The following FCRL3 variants were observed in gnomAD, a reference collection of about 807,000 sequenced individuals.
The protein encoded by FCRL3 is Fc receptor-like protein 3.
Under a neutral mutation model 75.0 loss-of-function variants are expected in FCRL3, and 89 were observed. The observed-to-expected ratio is 1.19, with a 90% CI of 1.00 to 1.42. FCRL3 has a LOEUF of 1.42. Among genes scored for constraint, FCRL3 ranks in the 40% most tolerant of loss-of-function variants. The probability of loss-of-function intolerance (pLI) is 0.00; values close to 1 mark genes in which losing one functional copy is unlikely to be tolerated. For missense variants in FCRL3, 946 were observed against 880.0 expected (o/e 1.07, Z -0.95); for synonymous variants, 376 against 348.5 (o/e 1.08, Z -0.88).
At chr1:157,679,728 C>T (rs12144780) in intron 13 of FCRL3, among the ~76,000 whole-genome samples, 2 of 143,550 alleles carry the variant, frequency 1.4e-5, no homozygotes, top group African/African-American at 5.2e-5. Context: ...ACTTAGGAAG[C>T]TAAGGCAGGA....
chr1:157,690,469 C>T lies in FCRL3; in HGVS notation c.1476G>A (p.Leu492=), dbSNP rs776846309. ...APGAQAVVGD[L]LELHCESLRG... ...TCAGGGACTCACAGTGAAGCTCCAG[C>T]AGGTCCCCCACCACAGCCTGGGCCC... The change falls in exon 9 of 15, where the codon CTG becomes CTA. Residue 492 remains leucine (L), a synonymous_variant. Coordinates refer to ENST00000368184, the MANE Select transcript of FCRL3 (RefSeq NM_052939.4). 2.4e-5 allele frequency: 38 copies of T among 1,614,126 alleles called. No homozygotes were observed. The highest frequency in any genetic ancestry group is 3.0e-5 in the Non-Finnish European group (35 of 1,180,046).
intron 6 of FCRL3, 146 bp from the exon 7 acceptor site, chr1:157,696,473 T>C: frequency 5.3e-6 from 4 of 749,020 alleles, no homozygotes; most frequent in East Asian, 2.7e-5. Context: ...TAATTGTGTA[T>C]ACGATTATAA....
rs1173902142 is a variant in FCRL3, at chr1:157,677,318, A to G, written c.*1392T>C. ...AAATGGTGATTGTTTGAATGCATGT[A>G]AGACATTCCCTAGGGACTCCAAGAA... On this transcript the variant is annotated 3_prime_UTR_variant, in exon 15 of 15. Coordinates refer to ENST00000368184, the MANE Select transcript of FCRL3 (RefSeq NM_052939.4). The G allele has an allele frequency of 2.0e-6, 2 of 987,634 alleles. No homozygotes were observed. The highest frequency in any genetic ancestry group is 3.5e-5 in the African/African-American group (2 of 57,272). The allele number at this position is 987,634 out of a possible 1,614,324, so 61.2% of individuals were successfully genotyped here.
intron 10 of FCRL3, among the ~76,000 whole-genome samples, chr1:157,689,071 T>C (rs1655344699): frequency 6.6e-6 from 1 of 152,234 alleles, no homozygotes; most frequent in East Asian, 1.9e-4. Context: ...TGGGGAGAGA[T>C]TGAATACTTT....
chr1:157,680,656 A>G lies in FCRL3; in HGVS notation c.2026+46T>C, dbSNP rs368523233. 51 of 1,557,320 alleles carry G rather than the reference A, an allele frequency of 3.3e-5. No homozygotes were observed. The Middle Eastern group carries it at 6.7e-4, about 21-fold the overall frequency. On this transcript the variant is annotated intron_variant, in intron 13 of 14. Coordinates refer to ENST00000368184, the MANE Select transcript of FCRL3 (RefSeq NM_052939.4). ...GATCAAAGACCCCTTGCCCGTTTCA[A>G]TAAAACACTGCCACCTCACCTCTAT...
chr1:157,676,926 G>A lies in FCRL3; in HGVS notation c.*1784C>T, dbSNP rs1351154072. The A allele has an allele frequency of 1.7e-5, 24 of 1,422,816 alleles. No homozygotes were observed. In the African/African-American group the frequency reaches 2.7e-4, roughly 16 times the overall value. The allele number at this position is 1,422,816 out of a possible 1,614,324, so 88.1% of individuals were successfully genotyped here. ...GCCTGGTGGTTGGTACCCAAAACCGGTTTACATATTTTCACCATAGAGAAA... is the reference window on the plus strand; with the variant it reads ...GCCTGGTGGTTGGTACCCAAAACCGATTTACATATTTTCACCATAGAGAAA... On this transcript the variant is annotated 3_prime_UTR_variant, in exon 15 of 15. Transcript: ENST00000368184.
chr1:157,683,905 T>C (rs2101594364), intron 10 of FCRL3, among the ~76,000 whole-genome samples: 1 of 152,340 alleles, frequency 6.6e-6, no homozygotes, highest in African/African-American at 2.4e-5. Flanking sequence ...CATGTAATAT[T>C]AAAATTACTA....
At position 157,676,537 on chromosome 1, in the gene FCRL3, A is replaced by G; in HGVS notation, c.*2173T>C. ...GCTCCACTAAAATTACTTTTTTTAG[A>G]TTTCTGGGCTATGGGTTTTTAGTTG... On this transcript the variant is annotated 3_prime_UTR_variant, in exon 15 of 15. Coordinates refer to ENST00000368184, the MANE Select transcript of FCRL3 (RefSeq NM_052939.4). 1 of 571,374 alleles carries G rather than the reference A, an allele frequency of 1.8e-6. No homozygotes were observed. The highest frequency in any genetic ancestry group is 2.9e-6 in the Non-Finnish European group (1 of 340,096). The allele number at this position is 571,374 out of a possible 1,614,324, so 35.4% of individuals were successfully genotyped here.
Position 157,677,033 on chromosome 1 carries a change from A to G in FCRL3, c.*1677T>C. The G allele has an allele frequency of 8.0e-7, 1 of 1,242,582 alleles. No individual in the cohort carries two copies. The allele number at this position is 1,242,582 out of a possible 1,614,324, so 77.0% of individuals were successfully genotyped here. On this transcript the variant is annotated 3_prime_UTR_variant, in exon 15 of 15. Transcript: ENST00000368184. ...GGGACCTTAAAATTTTAATGCCAAT[A>G]TGAACATGAACTGGCAGAGATCAGC... is the stretch of plus-strand genomic sequence containing the variant.
Position 157,696,131 on chromosome 1 carries a change from G to A in FCRL3, c.1041C>T (p.Thr347=), listed in dbSNP as rs779972812. 1.2e-5 allele frequency: 19 copies of A among 1,613,860 alleles called. No homozygotes were observed. Among genetic ancestry groups the A allele is most frequent in the Admixed American group, 3.3e-5 (2 of 60,008 alleles). The stretch of plus-strand genomic sequence containing the variant: ...ATCTCCCTGCATCACTCTCCTTCAC[G>A]GTGAGAACATGCAGCTCTGCCAACA... ...RSLLAELHVL[T]VKESDAGRYY... The change falls in exon 7 of 15, where the codon ACC becomes ACT. Residue 347 remains threonine (T), a synonymous_variant. Coordinates refer to ENST00000368184, the MANE Select transcript of FCRL3 (RefSeq NM_052939.4).
rs1466641952 is a variant in FCRL3 at position 157,697,115 on chromosome 1, G to A, written c.844+25C>T. The A allele has an allele frequency of 7.1e-6, 10 of 1,407,272 alleles. No individual in the cohort carries two copies. The Admixed American group carries it at 1.3e-4, about 18-fold the overall frequency. The allele number at this position is 1,407,272 out of a possible 1,614,324, so 87.2% of individuals were successfully genotyped here. Reference sequence around the variant, plus strand: ...CTTCCTCTCCCCAGCTCTGACTCTGGAAGAGCAGCCCCTTAGACACTCACT... The same window carrying A: ...CTTCCTCTCCCCAGCTCTGACTCTGAAAGAGCAGCCCCTTAGACACTCACT... On this transcript the variant is annotated intron_variant, in intron 6 of 14. Transcript: ENST00000368184.
At position 157,696,195 on chromosome 1, in the gene FCRL3, C is replaced by T; in HGVS notation, c.977G>A (p.Gly326Glu). 1.9e-6 allele frequency: 3 copies of T among 1,614,090 alleles called. No individual in the cohort carries two copies. Among genetic ancestry groups the T allele is most frequent in the Non-Finnish European group, 2.5e-6 (3 of 1,180,028 alleles). The stretch of plus-strand genomic sequence containing the variant: ...CTTTCTACCCAGGCTTCTTACTCTT[C>T]CTTCTTTGTGCCAGGAGAATGTGAC... ...GTVTFSWHKE[G>E]RVRSLGRKTQ... is the part of the protein sequence containing the mutation. Residue 326 changes from glycine to glutamate, a missense_variant, in exon 7 of 15, where the codon GGA becomes GAA. Coordinates refer to ENST00000368184, the MANE Select transcript of FCRL3 (RefSeq NM_052939.4).
Position 157,697,439 on chromosome 1 carries a change from C to A in FCRL3, c.560-15G>T, listed in dbSNP as rs1301615041. On this transcript the variant is annotated splice_polypyrimidine_tract_variant and intron_variant, in intron 5 of 14. Coordinates refer to ENST00000368184, the MANE Select transcript of FCRL3 (RefSeq NM_052939.4). ...TAGAAACAGCTCTAATGAAAAGAAA[C>A]AACATAGTCTCCAGGGTGGTGAGGC... 1 of 1,528,498 alleles carries A rather than the reference C, an allele frequency of 6.5e-7. No homozygotes were observed. The highest frequency in any genetic ancestry group is 8.8e-7 in the Non-Finnish European group (1 of 1,142,546). The allele number at this position is 1,528,498 out of a possible 1,614,324, so 94.7% of individuals were successfully genotyped here. A position where few individuals can be genotyped will look rare whatever the true frequency, so the allele number is the denominator to read the frequency against.
intron 10 of FCRL3, 100 bp from the exon 11 acceptor site, chr1:157,683,344 C>A: frequency 7.0e-7 from 1 of 1,421,544 alleles, no homozygotes; most frequent in Non-Finnish European, 9.7e-7. Context: ...CATTCTAGAT[C>A]TAAGCTACGG....
At position 157,696,295 on chromosome 1, in the gene FCRL3, G is replaced by A. The variant is rs146153982; in HGVS notation, c.877C>T (p.Arg293Trp). The change falls in exon 7 of 15, where the codon CGG (arginine) becomes TGG (tryptophan). Residue 293 changes from arginine (R) to tryptophan (W), a missense_variant. Transcript: ENST00000368184. ...TCAATCAGCTGCCCTCCGGTGGGCC[G>A]GATCTCTAGATTCACATTAGACACA... is the stretch of plus-strand genomic sequence containing the variant. ...VPVSNVNLEI[R>W]PTGGQLIEGE... is the part of the protein sequence containing the mutation. The A allele has an allele frequency of 2.0e-4, 321 of 1,613,938 alleles. No individual in the cohort carries two copies. The highest frequency in any genetic ancestry group is 1.5e-3 in the East Asian group (66 of 44,866).
chr1:157,678,272 A>C lies in FCRL3; in HGVS notation c.*438T>G. On this transcript the variant is annotated 3_prime_UTR_variant, in exon 15 of 15. Transcript: ENST00000368184. ...TAGCAAGGATACAGCATATACACCAAAACATCAGCAATGCCACTACCAGCC... is the reference window on the plus strand; with the variant it reads ...TAGCAAGGATACAGCATATACACCACAACATCAGCAATGCCACTACCAGCC... The C allele has an allele frequency of 2.0e-6, 2 of 1,007,364 alleles. No individual in the cohort carries two copies. Among genetic ancestry groups the C allele is most frequent in the Non-Finnish European group, 2.4e-6 (2 of 842,914 alleles). 62.4% of individuals were successfully genotyped at this position (1,007,364 alleles called of 1,614,324 possible).
At chr1:157,692,650 A>G (rs1164909067) in intron 8 of FCRL3, among the ~76,000 whole-genome samples, 2 of 152,252 alleles carry the variant, frequency 1.3e-5, no homozygotes, top group Admixed American at 6.5e-5. Context: ...GAGGAATTAA[A>G]TGTAAAGATA....
rs1445777665 is a variant in FCRL3 at position 157,700,434 on chromosome 1, G to A, written c.31+25C>T. 1.2e-5 allele frequency: 20 copies of A among 1,613,844 alleles called. 1 individual carries two copies. Among genetic ancestry groups the A allele is most frequent in the South Asian group, 2.2e-5 (2 of 91,060 alleles). ...GTCACCTTTAGGAACTGAGGCCGTG[G>A]CCCCATTATAGCCCATCTACTCACT... On this transcript the variant is annotated intron_variant, in intron 2 of 14. Transcript: ENST00000368184.
At chr1:157,689,247 CTAT>C (rs1442925731) in intron 10 of FCRL3, among the ~76,000 whole-genome samples, 2 of 152,144 alleles carry the variant, frequency 1.3e-5, no homozygotes, top group African/African-American at 2.4e-5. Flanking sequence ...ACATGATCAT[CTAT>C]ATAGAACATC....
Sources: gnomAD v4.1 joint callset for allele counts (sites outside exome capture counted in the v4.1 genomes callset) on GRCh38, gnomAD v4.1.1 for gene constraint, MANE v1.5 for transcripts, NCBI Gene and HGNC (gene_info 2026-07-23, HGNC 2026-07-21) for gene names.